Variants in CDKAL1 observed in about 807,000 individuals in gnomAD.
The protein encoded by CDKAL1 is threonylcarbamoyladenosine tRNA methylthiotransferase.
A neutral mutation model predicts 68.2 loss-of-function variants in CDKAL1; 32 were observed. The ratio of observed to expected loss-of-function variants is 0.47; its 90% CI spans 0.35 to 0.63. The LOEUF is 0.63. CDKAL1 is among the 30% of genes least tolerant of loss of function. The probability of loss-of-function intolerance (pLI) is 0.00; values close to 1 mark genes in which losing one functional copy is unlikely to be tolerated. For synonymous variants in CDKAL1, 234 were observed against 244.3 expected, an observed-to-expected ratio of 0.96 and a Z score of 0.39; for missense variants, 606 against 696.7, an observed-to-expected ratio of 0.87 and a Z score of 1.47.
intron 7 of CDKAL1, among the ~76,000 whole-genome samples, chr6:20,776,677 CCTT>C (rs1250922328): frequency 6.6e-6 from 1 of 152,156 alleles, no homozygotes; most frequent in South Asian, 2.1e-4. Flanking sequence ...GGTCAACAAA[CCTT>C]CTCAAAAGCA....
intron 10 of CDKAL1, among the ~76,000 whole-genome samples, chr6:20,982,113 C>T (rs1210105183): frequency 1.3e-5 from 2 of 151,652 alleles, no homozygotes; most frequent in Non-Finnish European, 2.9e-5. Context: ...CTTGCCTAGG[C>T]TGGAGTACAG....
chr6:21,048,402 G>A (rs1294500367), intron 11 of CDKAL1, among the ~76,000 whole-genome samples: 1 of 152,100 alleles, frequency 6.6e-6, no homozygotes, highest in Non-Finnish European at 1.5e-5. Flanking sequence ...AAGAAATAAA[G>A]TAATTATAAA....
chr6:20,960,798 A>G (rs924194515), intron 10 of CDKAL1, among the ~76,000 whole-genome samples: 4 of 152,250 alleles, frequency 2.6e-5, no homozygotes, highest in Non-Finnish European at 5.9e-5. Flanking sequence ...GTGAAGATGT[A>G]CTGGATGGTT....
chr6:20,715,378 C>T (rs549682891), intron 5 of CDKAL1, among the ~76,000 whole-genome samples: 14 of 152,302 alleles, frequency 9.2e-5, no homozygotes, highest in African/African-American at 3.4e-4. Context: ...CCATCCATGA[C>T]GGGATCTTCT....
intron 5 of CDKAL1, among the ~76,000 whole-genome samples, chr6:20,669,600 G>A (rs561779974): frequency 8.5e-5 from 13 of 152,100 alleles, no homozygotes; most frequent in South Asian, 2.1e-4. Flanking sequence ...CTTTCCCTCC[G>A]CGCATCTTAA....
intron 11 of CDKAL1, among the ~76,000 whole-genome samples, chr6:21,020,889 ATG>A (rs1015704447): frequency 6.7e-6 from 1 of 149,314 alleles, no homozygotes; most frequent in South Asian, 2.1e-4. Flanking sequence ...GGCATTACAG[ATG>A]TGTGTGTGTG....
chr6:20,658,789 T>G (rs1769148656), intron 5 of CDKAL1, among the ~76,000 whole-genome samples: 1 of 152,228 alleles, frequency 6.6e-6, no homozygotes, highest in Non-Finnish European at 1.5e-5. Flanking sequence ...CTAGTAATTT[T>G]CTTTTTTAAC....
intron 11 of CDKAL1, among the ~76,000 whole-genome samples, chr6:21,025,530 T>C (rs1216989422): frequency 6.6e-6 from 1 of 152,146 alleles, no homozygotes; most frequent in Non-Finnish European, 1.5e-5. Flanking sequence ...TCTTTCTGTT[T>C]GGAGGCATGT....
At chr6:21,085,775 A>G (rs1772660637) in intron 12 of CDKAL1, among the ~76,000 whole-genome samples, 1 of 152,196 alleles carries the variant, frequency 6.6e-6, no homozygotes, top group Non-Finnish European at 1.5e-5. Flanking sequence ...TAATAAACTG[A>G]GCCATCAGAA....
intron 6 of CDKAL1, among the ~76,000 whole-genome samples, chr6:20,751,220 G>A (rs1773908204): frequency 6.6e-6 from 1 of 152,054 alleles, no homozygotes; most frequent in African/African-American, 2.4e-5. Flanking sequence ...CTTGTTCTCC[G>A]ACGGCTTCAA....
chr6:20,571,356 T>C (rs1346342614), intron 4 of CDKAL1, among the ~76,000 whole-genome samples: 1 of 152,170 alleles, frequency 6.6e-6, no homozygotes, highest in Non-Finnish European at 1.5e-5. Context: ...GTGTTATGTA[T>C]TCAGCAGTTG....
At chr6:20,943,164 A>G (rs1764067322) in intron 9 of CDKAL1, among the ~76,000 whole-genome samples, 1 of 151,112 alleles carries the variant, frequency 6.6e-6, no homozygotes, top group Non-Finnish European at 1.5e-5. Flanking sequence ...ACAAAAATCT[A>G]GGTTAAGAGT....
chr6:20,688,263 T>C (rs534474909), intron 5 of CDKAL1, among the ~76,000 whole-genome samples: 1 of 152,234 alleles, frequency 6.6e-6, no homozygotes, highest in South Asian at 2.1e-4. Flanking sequence ...ATCTTTTGAT[T>C]GGTATGTGGC....
At chr6:21,220,807 C>T (rs1779514047) in intron 15 of CDKAL1, among the ~76,000 whole-genome samples, 1 of 152,222 alleles carries the variant, frequency 6.6e-6, no homozygotes, top group South Asian at 2.1e-4. Flanking sequence ...AGGTCTGATG[C>T]AGCAGTTCCT....
chr6:20,776,682 T>C (rs1775185431), intron 7 of CDKAL1, among the ~76,000 whole-genome samples: 1 of 152,168 alleles, frequency 6.6e-6, no homozygotes, highest in South Asian at 2.1e-4. Flanking sequence ...ACAAACCTTC[T>C]CAAAAGCAAT....
intron 4 of CDKAL1, among the ~76,000 whole-genome samples, chr6:20,587,647 T>G (rs1765427763): frequency 6.6e-6 from 1 of 152,100 alleles, no homozygotes; most frequent in South Asian, 2.1e-4. Context: ...ATGGCAGGAT[T>G]TCTTGAGCCC....
intron 13 of CDKAL1, among the ~76,000 whole-genome samples, chr6:21,121,053 C>T (rs1025598414): frequency 2.0e-5 from 3 of 152,146 alleles, no homozygotes; most frequent in African/African-American, 7.2e-5. Context: ...GCAAGATGTT[C>T]CAGTGTACAT....
At chr6:20,926,914 CAT>C (rs1763214413) in intron 9 of CDKAL1, among the ~76,000 whole-genome samples, 1 of 147,276 alleles carries the variant, frequency 6.8e-6, no homozygotes. Flanking sequence ...TGTATATTTA[CAT>C]ATATATTTTT....
At chr6:20,878,315 A>C (rs1168924554) in intron 9 of CDKAL1, among the ~76,000 whole-genome samples, 4 of 152,188 alleles carry the variant, frequency 2.6e-5, no homozygotes, top group East Asian at 1.9e-4. Flanking sequence ...GTTCGTACCT[A>C]ATAAGCTCCT....
Sources: allele counts gnomAD v4.1 joint callset (sites outside exome capture counted in the v4.1 genomes callset), GRCh38; gene constraint gnomAD v4.1.1; transcripts MANE v1.5; gene names NCBI Gene and HGNC (gene_info 2026-07-23, HGNC 2026-07-21).